Variants in NWD1 observed in about 807,000 individuals in gnomAD.
NWD1 encodes the protein NACHT domain- and WD repeat-containing protein 1.
Under a neutral mutation model 135.1 loss-of-function variants are expected in NWD1, and 129 were observed. The observed-to-expected ratio is 0.96, with a 90% CI of 0.83 to 1.11. The LOEUF (loss-of-function observed/expected upper bound fraction) is 1.11, where lower values mean the gene tolerates loss of function less well. Ranked by LOEUF, NWD1 falls within the 50% of genes least tolerant of loss-of-function variation. The pLI, the probability that NWD1 is intolerant of heterozygous loss-of-function variation, is 0.00. For missense variants in NWD1, 1,740 were observed against 1,851.3 expected (o/e 0.94, Z 1.10); for synonymous variants, 773 against 786.0 (o/e 0.98, Z 0.28).
chr19:16,723,904 C>T (rs1451825296), intron 1 of NWD1, among the ~76,000 whole-genome samples: 2 of 151,992 alleles, frequency 1.3e-5, no homozygotes, highest in Admixed American at 6.6e-5. Context: ...CCATGTTGGC[C>T]GCGCTGGTCT....
At chr19:16,778,499 T>C (rs949358254) in intron 11 of NWD1, among the ~76,000 whole-genome samples, 14 of 119,416 alleles carry the variant, frequency 1.2e-4, no homozygotes, top group Admixed American at 8.2e-4. Flanking sequence ...TTCTTCTTTT[T>C]TTTTTTTTTG....
intron 11 of NWD1, among the ~76,000 whole-genome samples, chr19:16,774,252 TC>T (rs1246586378): frequency 1.4e-5 from 2 of 144,968 alleles, no homozygotes; most frequent in Non-Finnish European, 3.0e-5. Context: ...CATTCATACA[TC>T]AGTTGTCCAT....
intron 18 of NWD1, among the ~76,000 whole-genome samples, chr19:16,812,005 G>A (rs1432169356): frequency 6.6e-6 from 1 of 152,090 alleles, no homozygotes; most frequent in East Asian, 1.9e-4. Context: ...AACAGAGCGA[G>A]ATTCCATCAA....
chr19:16,743,751 C>T (rs745902258), intron 4 of NWD1, among the ~76,000 whole-genome samples: 11 of 151,982 alleles, frequency 7.2e-5, no homozygotes, highest in African/African-American at 1.2e-4. Flanking sequence ...GGCACCATGT[C>T]GGTTCACTGA....
chr19:16,797,850 C>T lies in NWD1; in HGVS notation c.3423C>T (p.Asn1141=). ...VETAVFGTEN[N]LIITGSLDAL... ...CGGCTGTTTTTGGTACTGAGAACAA[C>T]CTGATCATCACGGGGTCCCTTGATG... Residue 1141 remains asparagine, a synonymous_variant, in exon 16 of 19, where the codon AAC becomes AAT. Coordinates refer to ENST00000524140, the MANE Select transcript of NWD1 (RefSeq NM_001007525.5). 1 of 1,614,060 alleles carries T rather than the reference C, an allele frequency of 6.2e-7. No individual in the cohort carries two copies.
At chr19:16,789,862 C>T (rs1333084799) in intron 13 of NWD1, among the ~76,000 whole-genome samples, 14 of 152,006 alleles carry the variant, frequency 9.2e-5, no homozygotes, top group South Asian at 4.2e-4. Flanking sequence ...GGACTACAGG[C>T]GCACGCCACC....
chr19:16,779,229 T>G (rs1188134197), intron 11 of NWD1, 114 bp from the exon 12 acceptor site: 22 of 1,233,970 alleles, frequency 1.8e-5, no homozygotes, highest in Non-Finnish European at 2.5e-5. Context: ...GGACCAAATC[T>G]CTCTGTGCCT....
chr19:16,722,485 C>T (rs886086839), intron 1 of NWD1, among the ~76,000 whole-genome samples: 18 of 151,872 alleles, frequency 1.2e-4, no homozygotes. Context: ...GGCGGGGTTT[C>T]TCCATGTTGG....
rs146780952 is a variant in NWD1 at position 16,815,101 on chromosome 19, C to T, written c.*62C>T. ...TCCCAACCACCAGTGGCTTCATTGCCCCCACCAGGCATGGTTATCTGATCC... is the reference window on the plus strand; with the variant it reads ...TCCCAACCACCAGTGGCTTCATTGCTCCCACCAGGCATGGTTATCTGATCC... On this transcript the variant is annotated 3_prime_UTR_variant, in exon 19 of 19. Transcript: ENST00000524140. 2.6e-4 allele frequency: 388 copies of T among 1,499,582 alleles called. No homozygotes were observed. The African/African-American group carries it at 4.7e-3, about 18-fold the overall frequency. The allele number at this position is 1,499,582 out of a possible 1,614,324, so 92.9% of individuals were successfully genotyped here. A position where few individuals can be genotyped will look rare whatever the true frequency, so the allele number is the denominator to read the frequency against.
At chr19:16,813,167 G>A (rs1262190886) in intron 18 of NWD1, among the ~76,000 whole-genome samples, 3 of 152,136 alleles carry the variant, frequency 2.0e-5, no homozygotes, top group Non-Finnish European at 4.4e-5. Flanking sequence ...GGGTGGTATG[G>A]ATGGAGTTTG....
intron 12 of NWD1, among the ~76,000 whole-genome samples, chr19:16,782,469 A>G (rs541430447): frequency 6.6e-6 from 1 of 151,974 alleles, no homozygotes; most frequent in South Asian, 2.1e-4. Context: ...TTGTTTCCAA[A>G]AAACCAAACA....
intron 3 of NWD1, among the ~76,000 whole-genome samples, chr19:16,735,736 A>T (rs1411831851): frequency 6.6e-6 from 1 of 151,678 alleles, no homozygotes. Flanking sequence ...AGACTGAGGC[A>T]TAAGAATCGC....
At chr19:16,733,501 A>G (rs1162050701) in intron 3 of NWD1, among the ~76,000 whole-genome samples, 1 of 146,260 alleles carries the variant, frequency 6.8e-6, no homozygotes, top group Non-Finnish European at 1.5e-5. Flanking sequence ...AGCCTAGGCA[A>G]CAGAATGAGA....
chr19:16,751,353 AAAAG>A (rs1438632735), intron 6 of NWD1, among the ~76,000 whole-genome samples: 5 of 152,054 alleles, frequency 3.3e-5, no homozygotes, highest in Non-Finnish European at 5.9e-5. Flanking sequence ...TATAGCAAGA[AAAAG>A]AAAGAAAGAG....
Position 16,800,224 on chromosome 19 carries a change from T to C in NWD1, c.3736+62T>C. On this transcript the variant is annotated intron_variant, in intron 17 of 18. Transcript: ENST00000524140. ...AGGCTTGGAGCCATCTGTCTTAGTT[T>C]AGGCTACTGTAACAAATCATCCCCA... 2.1e-6 allele frequency: 3 copies of C among 1,455,750 alleles called. No homozygotes were observed. In the Admixed American group the frequency reaches 6.0e-5, roughly 29 times the overall value. The allele number at this position is 1,455,750 out of a possible 1,614,324, so 90.2% of individuals were successfully genotyped here.
chr19:16,816,428 A>G lies in NWD1; in HGVS notation c.*1389A>G, dbSNP rs1328973602. ...CTGGCAGTAAAACAATCAACATGTTATAGTTCATCCCTCTCTATTCCTTGG... is the reference window on the plus strand; with the variant it reads ...CTGGCAGTAAAACAATCAACATGTTGTAGTTCATCCCTCTCTATTCCTTGG... On this transcript the variant is annotated 3_prime_UTR_variant, in exon 19 of 19. Transcript: ENST00000524140. 1 of 152,216 alleles carries G rather than the reference A, an allele frequency of 6.6e-6. No homozygotes were observed. The highest frequency in any genetic ancestry group is 1.5e-5 in the Non-Finnish European group (1 of 68,048). The allele number at this position is 152,216 out of a possible 1,614,324, so 9.4% of individuals were successfully genotyped here.
In NWD1 at chr19:16,815,515, C is replaced by G; in HGVS notation, c.*476C>G. 1.8e-6 allele frequency: 1 copy of G among 554,992 alleles called. No individual in the cohort carries two copies. The highest frequency in any genetic ancestry group is 3.2e-6 in the Non-Finnish European group (1 of 314,630). 34.4% of individuals were successfully genotyped at this position (554,992 alleles called of 1,614,324 possible). On this transcript the variant is annotated 3_prime_UTR_variant, in exon 19 of 19. Coordinates refer to ENST00000524140, the MANE Select transcript of NWD1 (RefSeq NM_001007525.5). ...CTTTCCTCTTTTTCATTTTCATTCT[C>G]AGACTTGCCACCCCCAGGTTAGCAA...
rs1970810497 is a variant in NWD1, at chr19:16,808,037, C to A, written c.4188C>A (p.Val1396=). Residue 1396 remains valine, a synonymous_variant, in exon 18 of 19, where the codon GTC becomes GTA. Coordinates refer to ENST00000524140, the MANE Select transcript of NWD1 (RefSeq NM_001007525.5). The part of the protein sequence containing the change: ...THRSRVACVE[V]SHKEQLVVSG... ...GGAGCCGAGTTGCCTGTGTGGAGGTCAGCCACAAGGAGCAGCTGGTGGTCA... is the reference window on the plus strand; with the variant it reads ...GGAGCCGAGTTGCCTGTGTGGAGGTAAGCCACAAGGAGCAGCTGGTGGTCA... 6.2e-7 allele frequency: 1 copy of A among 1,613,998 alleles called. No individual in the cohort carries two copies. The highest frequency in any genetic ancestry group is 1.3e-5 in the African/African-American group (1 of 74,908).
Position 16,763,915 on chromosome 19 carries a change from C to A in NWD1, c.2221C>A (p.Arg741Ser). The change falls in exon 9 of 19, where the codon CGC (arginine) becomes AGC (serine). Residue 741 changes from arginine to serine, a missense_variant. Transcript: ENST00000524140. ...GCCCTATCACCTGCTTCACTCGGGC[C>A]GCCTGGAGGAGCTGAAACAGGAGGT... ...ELPYHLLHSGRLEELKQEVLG... is the reference protein window; with the variant it reads ...ELPYHLLHSGSLEELKQEVLG... The A allele has an allele frequency of 6.2e-7, 1 of 1,613,294 alleles. No individual in the cohort carries two copies. The highest frequency in any genetic ancestry group is 8.5e-7 in the Non-Finnish European group (1 of 1,179,334).
Sources: allele counts gnomAD v4.1 joint callset (sites outside exome capture counted in the v4.1 genomes callset), GRCh38; gene constraint gnomAD v4.1.1; transcripts MANE v1.5; gene names NCBI Gene and HGNC (gene_info 2026-07-23, HGNC 2026-07-21).